Variants in FGF10 observed in about 807,000 individuals in gnomAD.
FGF10 encodes the protein FGF-10.
FGF10 carries 2 observed loss-of-function variants against 19.8 expected under a neutral mutation model. That is an observed-to-expected ratio of 0.10 (90% CI 0.04 to 0.32). The LOEUF is 0.32. Ranked by LOEUF, FGF10 falls within the 10% of genes least tolerant of loss-of-function variation. FGF10 has a pLI of 1.00. For synonymous variants in FGF10, 112 were observed against 94.0 expected (o/e 1.19, Z -1.10); for missense variants, 191 against 246.3 (o/e 0.78, Z 1.50).
chr5:44,336,678 A>G (rs1740860742), intron 1 of FGF10, among the ~76,000 whole-genome samples: 1 of 152,198 alleles, frequency 6.6e-6, no homozygotes, highest in Non-Finnish European at 1.5e-5. Flanking sequence ...CAGTTTTTTC[A>G]TCTGTAATAT....
chr5:44,339,556 A>G (rs1740923288), intron 1 of FGF10, among the ~76,000 whole-genome samples: 1 of 152,218 alleles, frequency 6.6e-6, no homozygotes, highest in Non-Finnish European at 1.5e-5. Flanking sequence ...CTAAAATGCA[A>G]TGATAACCTT....
intron 1 of FGF10, among the ~76,000 whole-genome samples, chr5:44,367,515 A>C (rs1005097343): frequency 1.3e-5 from 2 of 152,032 alleles, no homozygotes; most frequent in Non-Finnish European, 2.9e-5. Context: ...ACAGGAACTG[A>C]AGCCATACTA....
intron 1 of FGF10, among the ~76,000 whole-genome samples, chr5:44,383,046 T>C (rs1034812614): frequency 6.6e-6 from 1 of 152,092 alleles, no homozygotes; most frequent in African/African-American, 2.4e-5. Context: ...CACTACAATG[T>C]CAGATAAGCA....
chr5:44,317,685 A>T (rs1740380806), intron 1 of FGF10, among the ~76,000 whole-genome samples: 1 of 152,214 alleles, frequency 6.6e-6, no homozygotes. Flanking sequence ...AGGTTTCTTC[A>T]CAACACTGTG....
At chr5:44,333,249 G>A (rs567770558) in intron 1 of FGF10, among the ~76,000 whole-genome samples, 1 of 152,194 alleles carries the variant, frequency 6.6e-6, no homozygotes, top group South Asian at 2.1e-4. Flanking sequence ...TGTGTTGGTG[G>A]AACACTGAGT....
chr5:44,358,125 GTTAA>G (rs1339981243), intron 1 of FGF10, among the ~76,000 whole-genome samples: 4 of 151,424 alleles, frequency 2.6e-5, no homozygotes, highest in Admixed American at 6.6e-5. Context: ...GAACATTATG[GTTAA>G]TTGACAATTA....
At chr5:44,360,177 T>C (rs1741447840) in intron 1 of FGF10, among the ~76,000 whole-genome samples, 1 of 151,588 alleles carries the variant, frequency 6.6e-6, no homozygotes, top group Non-Finnish European at 1.5e-5. Context: ...GAAGTCCAAG[T>C]GTTACAATTC....
chr5:44,388,204 G>C (rs568796090), intron 1 of FGF10, among the ~76,000 whole-genome samples, 154 bp downstream of exon 1: 1 of 151,902 alleles, frequency 6.6e-6, no homozygotes, highest in African/African-American at 2.4e-5. Context: ...CACGGGGGTT[G>C]GGGGGTGAAT....
intron 1 of FGF10, among the ~76,000 whole-genome samples, chr5:44,370,424 C>T (rs1040640837): frequency 1.3e-5 from 2 of 152,128 alleles, no homozygotes; most frequent in African/African-American, 2.4e-5. Flanking sequence ...AATTGATCCT[C>T]ATGTGCTCTT....
intron 1 of FGF10, among the ~76,000 whole-genome samples, chr5:44,368,805 A>G (rs1482643841): frequency 1.3e-5 from 2 of 152,014 alleles, no homozygotes; most frequent in Admixed American, 6.6e-5. Flanking sequence ...AGCTAGGACT[A>G]CCAGCAAGCA....
At chr5:44,360,726 T>C (rs1221902898) in intron 1 of FGF10, among the ~76,000 whole-genome samples, 1 of 151,670 alleles carries the variant, frequency 6.6e-6, no homozygotes, top group Non-Finnish European at 1.5e-5. Context: ...TTAATGTCTC[T>C]TTATATGATG....
At chr5:44,349,702 G>C (rs940100643) in intron 1 of FGF10, among the ~76,000 whole-genome samples, 1 of 149,912 alleles carries the variant, frequency 6.7e-6, no homozygotes, top group African/African-American at 2.4e-5. Flanking sequence ...AAAACTCTTT[G>C]GGAATATCTA....
In FGF10 at chr5:44,347,104, T is replaced by G. The variant is rs1457695968; in HGVS notation, c.326-36574A>C. ...ACCTAGAGGAAGGCCAAGAACATAG[T>G]AAATACTCAATAAATATTTGTAGAA... On this transcript the variant is annotated intron_variant, in intron 1 of 2. Coordinates refer to ENST00000264664, the MANE Select transcript of FGF10 (RefSeq NM_004465.2). Among the ~76,000 whole-genome samples the G allele has an allele frequency of 3.3e-5, 5 of 151,768 alleles. No homozygotes were observed. The South Asian group carries it at 1.0e-3, about 31-fold the overall frequency.
chr5:44,304,917 A>G lies in FGF10; in HGVS notation c.*78T>C. ...GCAACGTGTCTTTGCCTTTCAATCT[A>G]CTGTCTTCATGAAGAATATCCACTA... On this transcript the variant is annotated 3_prime_UTR_variant, in exon 3 of 3. Transcript: ENST00000264664. The G allele has an allele frequency of 7.1e-7, 1 of 1,413,316 alleles. No individual in the cohort carries two copies. Among genetic ancestry groups the G allele is most frequent in the Non-Finnish European group, 1.0e-6 (1 of 998,002 alleles). The allele number at this position is 1,413,316 out of a possible 1,614,324, so 87.5% of individuals were successfully genotyped here. A position where few individuals can be genotyped will look rare whatever the true frequency, so the allele number is the denominator to read the frequency against.
intron 1 of FGF10, among the ~76,000 whole-genome samples, chr5:44,364,129 T>C (rs1741551784): frequency 6.6e-6 from 1 of 151,860 alleles, no homozygotes; most frequent in Non-Finnish European, 1.5e-5. Context: ...CTTTTGAAAA[T>C]TAAATTTCTA....
intron 1 of FGF10, among the ~76,000 whole-genome samples, chr5:44,345,633 C>CAAA (rs199895920): frequency 1.5e-5 from 2 of 134,426 alleles, no homozygotes; most frequent in Non-Finnish European, 3.2e-5. Context: ...TTTCTCAGCT[C>CAAA]AAAAAAAAAA....
chr5:44,346,823 CAG>C (rs1741100774), intron 1 of FGF10, among the ~76,000 whole-genome samples: 1 of 151,738 alleles, frequency 6.6e-6, no homozygotes. Context: ...TATTGAGAAA[CAG>C]AATAATTTTA....
chr5:44,352,109 C>T (rs1741247019), intron 1 of FGF10, among the ~76,000 whole-genome samples: 1 of 151,478 alleles, frequency 6.6e-6, no homozygotes. Flanking sequence ...AAGAGGAGCA[C>T]ATTTGGGGAT....
intron 1 of FGF10, among the ~76,000 whole-genome samples, chr5:44,350,961 C>A (rs937918080): frequency 1.3e-5 from 2 of 151,268 alleles, no homozygotes; most frequent in African/African-American, 4.8e-5. Context: ...TATTATATTT[C>A]ACATGGCTAA....
Sources: allele counts gnomAD v4.1 joint callset (sites outside exome capture counted in the v4.1 genomes callset), GRCh38; gene constraint gnomAD v4.1.1; transcripts MANE v1.5; gene names NCBI Gene and HGNC (gene_info 2026-07-23, HGNC 2026-07-21).